METTL15: variants seen among roughly 807,000 people sequenced by gnomAD.
METTL15 encodes the protein 12S rRNA N(4)-cytidine methyltransferase METTL15.
Under a neutral mutation model 38.3 loss-of-function variants are expected in METTL15, and 34 were observed. The ratio of observed to expected loss-of-function variants is 0.89; its 90% CI spans 0.68 to 1.18. The LOEUF (loss-of-function observed/expected upper bound fraction) is 1.18, where lower values mean the gene tolerates loss of function less well. Ranked by LOEUF, METTL15 falls within the 50% of genes most tolerant of loss-of-function variation. The pLI, the probability that METTL15 is intolerant of heterozygous loss-of-function variation, is 0.00. For missense variants in METTL15, 438 were observed against 498.4 expected (o/e 0.88, Z 1.15); for synonymous variants, 162 against 170.9 (o/e 0.95, Z 0.41).
chr11:28,518,579 G>A (rs1203740970), intron 6 of METTL15, among the ~76,000 whole-genome samples: 1 of 152,228 alleles, frequency 6.6e-6, no homozygotes, highest in Non-Finnish European at 1.5e-5. Flanking sequence ...TCTTCAGAAA[G>A]TGTCAGCTGT....
chr11:28,359,733 T>C (rs1045194139), intron 4 of METTL15, among the ~76,000 whole-genome samples: 2 of 152,202 alleles, frequency 1.3e-5, no homozygotes, highest in African/African-American at 4.8e-5. Context: ...TCTTATATGC[T>C]GTATTCTGTT....
rs559009783 is a variant in METTL15, at chr11:28,242,393, C to T, written c.407+31195C>T. Among the ~76,000 whole-genome samples the T allele has an allele frequency of 6.6e-5, 10 of 152,196 alleles. No individual in the cohort carries two copies. In the East Asian group the frequency reaches 1.9e-3, roughly 29 times the overall value. ...GAATTAAATTTAAAAAGCCCAAATG[C>T]ATGGTTAGTATGCAAAAATTATTGA... On this transcript the variant is annotated intron_variant, in intron 4 of 6. Transcript: ENST00000407364.
At chr11:28,236,485 T>G (rs566168704) in intron 4 of METTL15, among the ~76,000 whole-genome samples, 75 of 152,314 alleles carry the variant, frequency 4.9e-4, no homozygotes, top group Middle Eastern at 3.4e-3. Context: ...CAATTTCAGA[T>G]TCTGTTATTG....
chr11:28,472,991 T>C (rs1332131983), intron 6 of METTL15, among the ~76,000 whole-genome samples: 3 of 152,086 alleles, frequency 2.0e-5, no homozygotes, highest in African/African-American at 7.2e-5. Flanking sequence ...GTCTGGTACT[T>C]CATAGGTTCT....
intron 4 of METTL15, among the ~76,000 whole-genome samples, chr11:28,246,181 G>T (rs933473797): frequency 1.3e-5 from 2 of 151,956 alleles, no homozygotes; most frequent in African/African-American, 4.8e-5. Flanking sequence ...ATAGCTAGAA[G>T]AAAATAATTT....
rs1274491479 is a variant in METTL15, at chr11:28,296,964, G to T, written c.778+33G>T. The T allele has an allele frequency of 1.9e-6, 3 of 1,610,570 alleles. No homozygotes were observed. The Admixed American group carries it at 5.0e-5, about 27-fold the overall frequency. ...CATTAATTCTCAACAGTGTCTAAGA[G>T]AAAAAATTATATTTACATGTGTGCA... On this transcript the variant is annotated intron_variant, in intron 6 of 6. Coordinates refer to ENST00000407364, the MANE Select transcript of METTL15 (RefSeq NM_001113528.2).
At chr11:28,392,931 T>C (rs774349430) in intron 5 of METTL15, among the ~76,000 whole-genome samples, 1 of 151,820 alleles carries the variant, frequency 6.6e-6, no homozygotes, top group East Asian at 1.9e-4. Flanking sequence ...ATTAGGGTGA[T>C]ACAAATCAAA....
At chr11:28,428,741 T>C (rs1022920344) in intron 6 of METTL15, among the ~76,000 whole-genome samples, 1 of 152,192 alleles carries the variant, frequency 6.6e-6, no homozygotes, top group Admixed American at 6.5e-5. Context: ...ATCCTCGACC[T>C]AGTCCAACAT....
chr11:28,323,654 G>T (rs1485126645), intron 6 of METTL15, among the ~76,000 whole-genome samples: 4 of 152,198 alleles, frequency 2.6e-5, no homozygotes, highest in African/African-American at 9.6e-5. Flanking sequence ...AAAAGGATCA[G>T]TCTGGTGGAT....
intron 6 of METTL15, among the ~76,000 whole-genome samples, chr11:28,439,878 A>G (rs1851019319): frequency 6.6e-6 from 1 of 152,206 alleles, no homozygotes; most frequent in Non-Finnish European, 1.5e-5. Flanking sequence ...TTCATTGCTC[A>G]CCTGTGGAGT....
At chr11:28,497,796 C>A (rs1444788984) in intron 6 of METTL15, among the ~76,000 whole-genome samples, 1 of 152,118 alleles carries the variant, frequency 6.6e-6, no homozygotes, top group Non-Finnish European at 1.5e-5. Context: ...CGGTGACTCA[C>A]ACCTGTAATC....
intron 4 of METTL15, among the ~76,000 whole-genome samples, chr11:28,286,166 A>G (rs774213706): frequency 1.3e-5 from 2 of 152,216 alleles, no homozygotes; most frequent in Non-Finnish European, 2.9e-5. Flanking sequence ...ACTATCTGGT[A>G]GAAGCTGATG....
At chr11:28,345,652 C>G (rs1849989842) in intron 3 of METTL15, among the ~76,000 whole-genome samples, 1 of 152,156 alleles carries the variant, frequency 6.6e-6, no homozygotes, top group Non-Finnish European at 1.5e-5. Flanking sequence ...TATGAAGAAG[C>G]TGCATCTTTT....
chr11:28,399,727 G>A (rs1176960596), intron 5 of METTL15, among the ~76,000 whole-genome samples: 1 of 151,628 alleles, frequency 6.6e-6, no homozygotes, highest in Non-Finnish European at 1.5e-5. Context: ...CTATCAAAAT[G>A]CATTTCCTTA....
At chr11:28,163,635 C>G (rs1850552338) in intron 3 of METTL15, 1 of 393,274 alleles carries the variant, frequency 2.5e-6, no homozygotes, top group African/African-American at 2.1e-5. Flanking sequence ...ATAATGTTAT[C>G]TATTTAATTT....
chr11:28,318,695 C>A (rs1173025234), intron 6 of METTL15, among the ~76,000 whole-genome samples: 1 of 151,892 alleles, frequency 6.6e-6, no homozygotes, highest in Non-Finnish European at 1.5e-5. Context: ...CAAGCTTGTT[C>A]TCCTCATCTT....
intron 6 of METTL15, among the ~76,000 whole-genome samples, chr11:28,461,008 C>A (rs1053639667): frequency 6.6e-6 from 1 of 152,076 alleles, no homozygotes; most frequent in South Asian, 2.1e-4. Context: ...ATTTAGAATT[C>A]ATTTCATAGA....
chr11:28,204,270 A>T (rs1187675314), intron 3 of METTL15, among the ~76,000 whole-genome samples: 3 of 151,828 alleles, frequency 2.0e-5, no homozygotes, highest in Non-Finnish European at 4.4e-5. Flanking sequence ...ATTATGTCTT[A>T]CATTTTTTGT....
chr11:28,377,479 G>A (rs1037269015), intron 5 of METTL15, among the ~76,000 whole-genome samples: 5 of 152,084 alleles, frequency 3.3e-5, no homozygotes, highest in African/African-American at 4.8e-5. Flanking sequence ...TGTTGTTCAC[G>A]TAGTTCTCGA....
Sources: gnomAD v4.1 joint callset for allele counts (sites outside exome capture counted in the v4.1 genomes callset) on GRCh38, gnomAD v4.1.1 for gene constraint, MANE v1.5 for transcripts, NCBI Gene and HGNC (gene_info 2026-07-23, HGNC 2026-07-21) for gene names.